The following CTNNA2 variants were observed in gnomAD, a reference collection of about 807,000 sequenced individuals.
The protein encoded by CTNNA2 is catenin alpha 2.
Under a neutral mutation model 101.0 loss-of-function variants are expected in CTNNA2, and 42 were observed. The ratio of observed to expected loss-of-function variants is 0.42; its 90% confidence interval spans 0.32 to 0.54. CTNNA2 has a LOEUF of 0.54. CTNNA2 is among the 20% of genes least tolerant of loss of function. CTNNA2 has a pLI of 0.14. For synonymous variants in CTNNA2, 450 were observed against 456.4 expected, an observed-to-expected ratio of 0.99 and a Z score of 0.18; for missense variants, 871 against 1,223.1, an observed-to-expected ratio of 0.71 and a Z score of 4.29.
intron 9 of CTNNA2, among the ~76,000 whole-genome samples, chr2:80,460,327 C>T (rs185766325): frequency 3.9e-5 from 6 of 152,120 alleles, no homozygotes; most frequent in Admixed American, 3.3e-4. Flanking sequence ...AATTATAGCA[C>T]ATATTAAGCA....
intron 6 of CTNNA2, among the ~76,000 whole-genome samples, chr2:79,878,960 C>T (rs1683223961): frequency 6.6e-6 from 1 of 152,120 alleles, no homozygotes; most frequent in Non-Finnish European, 1.5e-5. Context: ...TTGGGTTTTA[C>T]ATTTAAGTCT....
intron 7 of CTNNA2, among the ~76,000 whole-genome samples, chr2:80,357,450 C>G (rs2149310047): frequency 6.6e-6 from 1 of 152,118 alleles, no homozygotes; most frequent in East Asian, 1.9e-4. Context: ...GCCAGGAAGT[C>G]TTTTCGATAT....
At chr2:79,359,616 T>C (rs1285142107) in intron 3 of CTNNA2, among the ~76,000 whole-genome samples, 2 of 152,158 alleles carry the variant, frequency 1.3e-5, no homozygotes, top group African/African-American at 4.8e-5. Context: ...AATTACTCTA[T>C]AGATATGCAG....
intron 2 of CTNNA2, among the ~76,000 whole-genome samples, chr2:79,677,710 C>A (rs904205088): frequency 6.6e-6 from 1 of 152,292 alleles, no homozygotes; most frequent in African/African-American, 2.4e-5. Flanking sequence ...ACCTTCCACC[C>A]CCTATAGGCC....
At chr2:79,353,675 TA>T (rs1677443485) in intron 3 of CTNNA2, among the ~76,000 whole-genome samples, 1 of 152,184 alleles carries the variant, frequency 6.6e-6, no homozygotes, top group Admixed American at 6.6e-5. Context: ...CATTCAAGAT[TA>T]ATATTGATAC....
At chr2:80,215,026 C>T (rs1708167242) in intron 7 of CTNNA2, among the ~76,000 whole-genome samples, 1 of 152,118 alleles carries the variant, frequency 6.6e-6, no homozygotes, top group Admixed American at 6.6e-5. Context: ...ATCACTGATA[C>T]CCTTTCTTCC....
chr2:80,338,296 C>A (rs1035254400), intron 7 of CTNNA2, among the ~76,000 whole-genome samples: 3 of 125,632 alleles, frequency 2.4e-5, no homozygotes, highest in Admixed American at 7.8e-5. Flanking sequence ...GCCTTTTTTT[C>A]TTTTTCTTTT....
intron 4 of CTNNA2, among the ~76,000 whole-genome samples, chr2:79,420,491 A>G (rs1678529737): frequency 6.6e-6 from 1 of 152,192 alleles, no homozygotes; most frequent in Non-Finnish European, 1.5e-5. Flanking sequence ...AAAAGAGAAA[A>G]TAACTGACTT....
At chr2:79,984,270 A>C (rs1379379148) in intron 7 of CTNNA2, among the ~76,000 whole-genome samples, 1 of 152,182 alleles carries the variant, frequency 6.6e-6, no homozygotes, top group Non-Finnish European at 1.5e-5. Flanking sequence ...AAAAATGCCT[A>C]AGAAAGGATT....
intron 2 of CTNNA2, among the ~76,000 whole-genome samples, chr2:79,706,217 T>A (rs1274065613): frequency 6.6e-6 from 1 of 150,792 alleles, no homozygotes; most frequent in Non-Finnish European, 1.5e-5. Flanking sequence ...ACAAAAAATA[T>A]GCGGGCGTGG....
chr2:80,064,070 G>C (rs1015747098), intron 7 of CTNNA2, among the ~76,000 whole-genome samples: 3 of 152,162 alleles, frequency 2.0e-5, no homozygotes, highest in Non-Finnish European at 2.9e-5. Flanking sequence ...AAGAGGAGAG[G>C]GAGAGGGAGA....
chr2:79,718,116 G>T (rs188425851), intron 2 of CTNNA2, among the ~76,000 whole-genome samples: 2 of 152,306 alleles, frequency 1.3e-5, no homozygotes, highest in Admixed American at 1.3e-4. Flanking sequence ...AAAAAAGTCA[G>T]CAGATGTGAT....
chr2:80,136,946 C>T (rs1374597264), intron 7 of CTNNA2, among the ~76,000 whole-genome samples: 3 of 152,158 alleles, frequency 2.0e-5, no homozygotes, highest in Non-Finnish European at 2.9e-5. Flanking sequence ...GTGGCCTCTT[C>T]ATTGCCTCCC....
At chr2:80,531,165 G>GTC (rs1690507365) in intron 9 of CTNNA2, among the ~76,000 whole-genome samples, 1 of 152,184 alleles carries the variant, frequency 6.6e-6, no homozygotes, top group South Asian at 2.1e-4. Context: ...CAGTCAGGTT[G>GTC]TCTCCCCTAC....
chr2:79,931,753 A>C (rs1222674804), intron 7 of CTNNA2, among the ~76,000 whole-genome samples: 1 of 152,038 alleles, frequency 6.6e-6, no homozygotes, highest in Non-Finnish European at 1.5e-5. Context: ...AAGGGGAGAG[A>C]GGCAGACAAC....
chr2:79,989,961 C>T (rs1692051025), intron 7 of CTNNA2, among the ~76,000 whole-genome samples: 1 of 152,154 alleles, frequency 6.6e-6, no homozygotes, highest in Non-Finnish European at 1.5e-5. Flanking sequence ...TCTTCCGATT[C>T]ATACCCCTAG....
rs559489855 is a variant in CTNNA2 at position 80,480,026 on chromosome 2, A to T, written c.1290+60425A>T. On this transcript the variant is annotated intron_variant, in intron 9 of 18. Coordinates refer to ENST00000402739, the MANE Select transcript of CTNNA2 (RefSeq NM_001282597.3). ...TACTTCTATATGGTTTTAGAAATAG[A>T]TGTAACATTTTCACTACTTTTCCTT... Among the ~76,000 whole-genome samples, 5 of 152,254 alleles carry T rather than the reference A, an allele frequency of 3.3e-5. No homozygotes were observed. The South Asian group carries it at 1.0e-3, about 32-fold the overall frequency.
intron 7 of CTNNA2, among the ~76,000 whole-genome samples, chr2:80,105,705 C>T (rs993033243): frequency 2.6e-5 from 4 of 151,798 alleles, no homozygotes; most frequent in African/African-American, 9.7e-5. Context: ...CTGCACTCCA[C>T]CTTGGGCAAC....
chr2:79,521,250 A>G (rs1672108560), intron 1 of CTNNA2, among the ~76,000 whole-genome samples: 2 of 151,210 alleles, frequency 1.3e-5, no homozygotes, highest in Non-Finnish European at 2.9e-5. Context: ...TAAAATGACA[A>G]GAAATGCAGA....
Sources: gnomAD v4.1 joint callset for allele counts (sites outside exome capture counted in the v4.1 genomes callset) on GRCh38, gnomAD v4.1.1 for gene constraint, MANE v1.5 for transcripts, NCBI Gene and HGNC (gene_info 2026-07-23, HGNC 2026-07-21) for gene names.